PTPRN2: variants seen among roughly 807,000 people sequenced by gnomAD.
The protein encoded by PTPRN2 is receptor-type tyrosine-protein phosphatase N2.
A neutral mutation model predicts 118.8 loss-of-function variants in PTPRN2; 74 were observed. The ratio of observed to expected loss-of-function variants is 0.62; its 90% confidence interval spans 0.52 to 0.76. The LOEUF is 0.76. Ranked by LOEUF, PTPRN2 falls within the 30% of genes least tolerant of loss-of-function variation. The probability of loss-of-function intolerance (pLI) is 0.00; values close to 1 mark genes in which losing one functional copy is unlikely to be tolerated. For missense variants in PTPRN2, 1,481 were observed against 1,394.4 expected, an observed-to-expected ratio of 1.06 and a Z score of -0.99; for synonymous variants, 641 against 608.0, an observed-to-expected ratio of 1.05 and a Z score of -0.80.
At position 157,994,676 on chromosome 7, in the gene PTPRN2, A is replaced by G. The variant is rs372204839; in HGVS notation, c.1723+86622T>C. 7.2e-3 allele frequency among the ~76,000 whole-genome samples: 881 copies of G among 123,120 alleles called. 1 individual carries two copies. Among genetic ancestry groups the G allele is most frequent in the African/African-American group, 0.011 (306 of 26,740 alleles). The allele number at this position is 123,120 out of a possible 152,430, so 80.8% of individuals were successfully genotyped here. A position where few individuals can be genotyped will look rare whatever the true frequency, so the allele number is the denominator to read the frequency against. On this transcript the variant is annotated intron_variant, in intron 11 of 22. Transcript: ENST00000389418. ...TTACAGCTCCTTGTTCCTAAAATCA[A>G]CGCCGCGTCCCCAGCTTACAGCTCC...
At position 157,987,535 on chromosome 7, in the gene PTPRN2, G is replaced by C. The variant is rs893309465; in HGVS notation, c.1724-88798C>G. Reference sequence around the variant, plus strand: ...TTGCATAAGAGACTTCCCAGGGGCAGAGCAGACCCGGTGGACAGCAGGAGC... The same window carrying C: ...TTGCATAAGAGACTTCCCAGGGGCACAGCAGACCCGGTGGACAGCAGGAGC... On this transcript the variant is annotated intron_variant, in intron 11 of 22. Transcript: ENST00000389418. This position sits in a 1 kb window ranked among gnomAD's most constrained non-coding sequence, Gnocchi z 4.3. 6.6e-6 allele frequency among the ~76,000 whole-genome samples: 1 copy of C among 152,158 alleles called. No homozygotes were observed. Among genetic ancestry groups the C allele is most frequent in the African/African-American group, 2.4e-5 (1 of 41,438 alleles).
At chr7:157,775,264 G>A (rs761916880) in intron 12 of PTPRN2, among the ~76,000 whole-genome samples, 4 of 152,192 alleles carry the variant, frequency 2.6e-5, no homozygotes, top group Non-Finnish European at 5.9e-5. Context: ...TGTCATATGA[G>A]CTGCTCTTTA....
At position 158,340,834 on chromosome 7, in the gene PTPRN2, C is replaced by T. The variant is rs557887441; in HGVS notation, c.164-23902G>A. 1.1e-3 allele frequency among the ~76,000 whole-genome samples: 103 copies of T among 91,522 alleles called. 12 individuals carry two copies. The highest frequency in any genetic ancestry group is 4.0e-3 in the African/African-American group (96 of 23,742). The allele number at this position is 91,522 out of a possible 152,430, so 60.0% of individuals were successfully genotyped here. On this transcript the variant is annotated intron_variant, in intron 2 of 22. Coordinates refer to ENST00000389418, the MANE Select transcript of PTPRN2 (RefSeq NM_002847.5). ...CACACATGTCACTCACACCCACACT[C>T]TCACCATAAGAGCTGACACATGCAG...
chr7:157,706,087 C>T (rs1165508296), intron 12 of PTPRN2, among the ~76,000 whole-genome samples: 1 of 151,738 alleles, frequency 6.6e-6, no homozygotes, highest in Non-Finnish European at 1.5e-5. Flanking sequence ...CCAATCTGTC[C>T]CAGGTGCCTT....
chr7:158,269,007 C>T (rs1363976890), intron 3 of PTPRN2, among the ~76,000 whole-genome samples: 8 of 152,212 alleles, frequency 5.3e-5, no homozygotes, highest in Admixed American at 1.3e-4. Context: ...GCTTTTTGAA[C>T]GCACACACTG....
intron 12 of PTPRN2, among the ~76,000 whole-genome samples, chr7:157,850,707 C>G (rs1438436488): frequency 6.6e-6 from 1 of 152,194 alleles, no homozygotes; most frequent in Non-Finnish European, 1.5e-5. Flanking sequence ...GCCTGGGATT[C>G]CAGGTTCCTG....
chr7:158,403,810 G>A (rs1272549265), intron 2 of PTPRN2, among the ~76,000 whole-genome samples: 2 of 152,196 alleles, frequency 1.3e-5, no homozygotes, highest in Non-Finnish European at 1.5e-5. Flanking sequence ...TTCTGATGCT[G>A]GGATGATGCA....
chr7:157,621,496 T>C lies in PTPRN2; in HGVS notation c.2210A>G (p.Asp737Gly). Reference sequence around the variant, plus strand: ...CAGCCGGTTCTTGTTCTTCAGGTGGTCCTCCATGTAGGACTGAAAGGGAAA... The same window carrying C: ...CAGCCGGTTCTTGTTCTTCAGGTGGCCCTCCATGTAGGACTGAAAGGGAAA... ...TGHMILSYMEDHLKNKNRLEK... is the reference protein window; with the variant it reads ...TGHMILSYMEGHLKNKNRLEK... The change falls in exon 15 of 23, where the codon GAC becomes GGC. Residue 737 changes from aspartate (D) to glycine (G), a missense_variant. Around this residue, in one of 3 missense-constraint regions of PTPRN2, gnomAD observed 362 missense variants for 384.1 expected, o/e 0.94. Coordinates refer to ENST00000389418, the MANE Select transcript of PTPRN2 (RefSeq NM_002847.5). The C allele has an allele frequency of 6.2e-7, 1 of 1,613,300 alleles. No individual in the cohort carries two copies. The highest frequency in any genetic ancestry group is 1.1e-5 in the South Asian group (1 of 91,088).
chr7:158,026,241 A>G (rs976394672), intron 11 of PTPRN2, among the ~76,000 whole-genome samples: 3 of 152,244 alleles, frequency 2.0e-5, no homozygotes, highest in Non-Finnish European at 4.4e-5. Context: ...TCTGCTACTG[A>G]TATATTTTCC....
At chr7:158,472,631 T>C (rs992828639) in intron 2 of PTPRN2, among the ~76,000 whole-genome samples, 1 of 152,158 alleles carries the variant, frequency 6.6e-6, no homozygotes, top group African/African-American at 2.4e-5. Flanking sequence ...ACTCAGACCA[T>C]GAACATCACC....
At chr7:158,468,118 A>G (rs1819524225) in intron 2 of PTPRN2, among the ~76,000 whole-genome samples, 2 of 152,252 alleles carry the variant, frequency 1.3e-5, no homozygotes, top group African/African-American at 4.8e-5. Context: ...CCTTAATAAC[A>G]AAACACAGAA....
intron 6 of PTPRN2, among the ~76,000 whole-genome samples, chr7:158,151,384 C>T (rs891381686): frequency 9.2e-6 from 1 of 108,490 alleles, no homozygotes; most frequent in African/African-American, 3.4e-5. Flanking sequence ...CCTGCCCACA[C>T]CGCCCGCCTT....
At chr7:158,346,073 T>C (rs1807490406) in intron 2 of PTPRN2, among the ~76,000 whole-genome samples, 1 of 152,244 alleles carries the variant, frequency 6.6e-6, no homozygotes, top group Non-Finnish European at 1.5e-5. Flanking sequence ...TACAAGGCAA[T>C]GCTATGATTT....
chr7:158,180,684 T>C (rs1260693250), intron 5 of PTPRN2, among the ~76,000 whole-genome samples: 1 of 152,188 alleles, frequency 6.6e-6, no homozygotes, highest in Non-Finnish European at 1.5e-5. Flanking sequence ...TGATAGGTAT[T>C]TTATTTATTT....
At chr7:158,147,774 G>A (rs201208627) in intron 6 of PTPRN2, among the ~76,000 whole-genome samples, 892 of 65,434 alleles carry the variant, frequency 0.014, 28 homozygotes, top group African/African-American at 0.06. Flanking sequence ...CTCACGCCAC[G>A]TGTTATTCCC....
chr7:158,567,743 C>T (rs893658053), intron 1 of PTPRN2, among the ~76,000 whole-genome samples: 5 of 152,092 alleles, frequency 3.3e-5, no homozygotes, highest in African/African-American at 1.2e-4. Context: ...AACATCAAGC[C>T]CAGTGAACAC....
At chr7:157,739,125 T>C (rs1401139521) in intron 12 of PTPRN2, 1 of 152,190 alleles carries the variant, frequency 6.6e-6, no homozygotes, top group Non-Finnish European at 1.5e-5. Flanking sequence ...TAAAACCCAC[T>C]GCAGACATGA....
chr7:158,156,886 G>C (rs1005860573), intron 6 of PTPRN2, among the ~76,000 whole-genome samples: 5 of 152,144 alleles, frequency 3.3e-5, no homozygotes, highest in African/African-American at 1.2e-4. Context: ...ATACAGCGGA[G>C]AGCACCCCTG....
At chr7:158,216,150 G>GGTAAATTTTAATTTTA (rs1827940143) in intron 3 of PTPRN2, among the ~76,000 whole-genome samples, 1 of 152,062 alleles carries the variant, frequency 6.6e-6, no homozygotes, top group Admixed American at 6.6e-5. Context: ...GTAAAATTAT[G>GGTAAATTTTAATTTTA]ACACCAGTAA....
Sources: gnomAD v4.1 joint callset for allele counts (sites outside exome capture counted in the v4.1 genomes callset) on GRCh38, gnomAD v4.1.1 for gene constraint, gnomAD v4.1.1 regional missense constraint, Gnocchi (gnomAD v3.1) non-coding constraint, MANE v1.5 for transcripts, NCBI Gene and HGNC (gene_info 2026-07-23, HGNC 2026-07-21) for gene names.